The following DCTN1 variants were observed in gnomAD, a reference collection of about 807,000 sequenced individuals.
DCTN1 encodes 150 kDa dynein-associated polypeptide.
In DCTN1, 61 loss-of-function variants were observed where a neutral mutation model predicts 161.2. The observed-to-expected ratio is 0.38, with a 90% CI of 0.31 to 0.47. The LOEUF (loss-of-function observed/expected upper bound fraction) is 0.47. DCTN1 is among the 20% of genes least tolerant of loss of function. The pLI, the probability that DCTN1 is intolerant of heterozygous loss-of-function variation, is 0.99. For missense variants in DCTN1, 1,404 were observed against 1,623.7 expected (o/e 0.86, Z 2.33); for synonymous variants, 653 against 632.4 (o/e 1.03, Z -0.49).
At chr2:74,390,802 T>A in intron 1 of DCTN1, 1 of 231,920 alleles carries the variant, frequency 4.3e-6, no homozygotes, top group Admixed American at 4.5e-5. Flanking sequence ...CCATTAAAAC[T>A]CAAAGCGCAC....
rs1256164720 is a variant in DCTN1 at position 74,372,776 on chromosome 2, A to T, written c.453+152T>A. ...CCATTTTCCCCAGGAGGTGCCTGCC[A>T]GCACTGCGAACCCCCACCCTTTCCT... On this transcript the variant is annotated intron_variant, in intron 7 of 31. Coordinates refer to ENST00000628224, the MANE Select transcript of DCTN1 (RefSeq NM_004082.5). The T allele has an allele frequency of 9.8e-6, 8 of 815,240 alleles. No homozygotes were observed. The South Asian group carries it at 1.1e-4, about 11-fold the overall frequency. The allele number at this position is 815,240 out of a possible 1,614,324, so 50.5% of individuals were successfully genotyped here.
At chr2:74,383,095 T>A (rs868032458), upstream of DCTN1, among the ~76,000 whole-genome samples, 1,274 of 145,462 alleles carry the variant, frequency 8.8e-3, 19 homozygotes, top group African/African-American at 0.029. Flanking sequence ...AAAAAAAAAA[T>A]AAATAAATAA....
In DCTN1 at chr2:74,373,498, C is replaced by T. The variant is rs183010383; in HGVS notation, c.433-550G>A. On this transcript the variant is annotated intron_variant, in intron 6 of 31. Coordinates refer to ENST00000628224, the MANE Select transcript of DCTN1 (RefSeq NM_004082.5). Reference sequence around the variant, plus strand: ...GAACAATGCTGCTGTCCTCCCTCCCCCAACCCCCTTCCCCAGAACCAGATC... The same window carrying T: ...GAACAATGCTGCTGTCCTCCCTCCCTCAACCCCCTTCCCCAGAACCAGATC... The T allele has an allele frequency of 2.0e-3, 368 of 184,284 alleles. 4 individuals carry two copies. Among genetic ancestry groups the T allele is most frequent in the African/African-American group, 8.2e-3 (350 of 42,722 alleles). The allele number at this position is 184,284 out of a possible 1,614,324, so 11.4% of individuals were successfully genotyped here.
chr2:74,366,889 A>G lies in DCTN1; in HGVS notation c.2360T>C (p.Leu787Pro). Reference protein sequence around the residue: ...ATDIALLLRDLETSCSDIRQF... With the variant: ...ATDIALLLRDPETSCSDIRQF... ...GCGGATGTCACTGCATGAAGTTTCC[A>G]GATCCCGGAGCAGGAGGGCAATATC... The change falls in exon 21 of 32, where the codon CTG (leucine) becomes CCG (proline). Residue 787 changes from leucine to proline, a missense_variant. This residue lies in a region of DCTN1 where 475 missense variants were observed against 489.8 expected (regional missense o/e 0.97). Coordinates refer to ENST00000628224, the MANE Select transcript of DCTN1 (RefSeq NM_004082.5). 3 of 1,614,260 alleles carry G rather than the reference A, an allele frequency of 1.9e-6. No homozygotes were observed. Among genetic ancestry groups the G allele is most frequent in the Non-Finnish European group, 2.5e-6 (3 of 1,180,052 alleles).
In DCTN1 at chr2:74,365,980, T is replaced by C; in HGVS notation, c.2799A>G (p.Ala933=). 6.2e-7 allele frequency: 1 copy of C among 1,614,234 alleles called. No individual in the cohort carries two copies. Among genetic ancestry groups the C allele is most frequent in the African/African-American group, 1.3e-5 (1 of 75,066 alleles). Residue 933 remains alanine (A), a synonymous_variant, in exon 24 of 32, where the codon GCA becomes GCG. Transcript: ENST00000628224. The part of the protein sequence containing the change: ...PVELRAAALR[A]EITDAEGLGL... ...CCAGGCCTTCAGCATCTGTGATCTC[T>C]GCACGAAGGGCAGCAGCCCGCAGTT...
Position 74,377,421 on chromosome 2 carries a change from A to G in DCTN1, c.393+11T>C. ...TTTATTATTCCCCATTCCCACCCCCAAATCACTCACCAGTTTGCTAGTCTT... is the reference window on the plus strand; with the variant it reads ...TTTATTATTCCCCATTCCCACCCCCGAATCACTCACCAGTTTGCTAGTCTT... On this transcript the variant is annotated intron_variant, in intron 4 of 31. Transcript: ENST00000628224. The G allele has an allele frequency of 1.9e-6, 3 of 1,612,116 alleles. No homozygotes were observed. The East Asian group carries it at 6.7e-5, about 36-fold the overall frequency.
chr2:74,389,610 C>G (rs536210101), intron 1 of DCTN1, among the ~76,000 whole-genome samples: 1 of 152,164 alleles, frequency 6.6e-6, no homozygotes, highest in East Asian at 1.9e-4. Flanking sequence ...CTTATCAATT[C>G]GTCCTTAGTA....
intron 1 of DCTN1, chr2:74,390,814 G>A (rs142782807): frequency 5.7e-5 from 12 of 208,950 alleles, no homozygotes; most frequent in African/African-American, 9.1e-5. Flanking sequence ...AAAGCGCACT[G>A]ACCCATACTG....
At chr2:74,373,221 C>T (rs1674998167) in intron 6 of DCTN1, 2 of 533,478 alleles carry the variant, frequency 3.7e-6, no homozygotes, top group East Asian at 6.7e-5. Context: ...CCAGAAATCC[C>T]AGAAGTCCAT....
chr2:74,387,384 C>A (rs1675780416), intron 1 of DCTN1, among the ~76,000 whole-genome samples: 1 of 152,164 alleles, frequency 6.6e-6, no homozygotes, highest in Admixed American at 6.5e-5. Flanking sequence ...ATACTTACTG[C>A]CCCTAGACAG....
chr2:74,368,972 G>T (rs1674627943), intron 15 of DCTN1, 92 bp from the exon 16 acceptor site: 1 of 1,573,854 alleles, frequency 6.4e-7, no homozygotes, highest in South Asian at 1.1e-5. Flanking sequence ...TTGCTTCTAG[G>T]GCAAGCCCAG....
chr2:74,369,290 G>GAGCAAACAGAGAGCAAACA lies in DCTN1; in HGVS notation c.1584+9_1584+10insTGTTTGCTCTCTGTTTGCT. On this transcript the variant is annotated intron_variant, in intron 14 of 31. Transcript: ENST00000628224. This position sits in a 1 kb window ranked among gnomAD's most constrained non-coding sequence, Gnocchi z 4.9. ...TGATGGTGGGCAGAGAGCAAACAGT[G>GAGCAAACAGAGAGCAAACA]GGCATGTACCTGTAGATGGGCGGTC... 2 of 1,614,188 alleles carry GAGCAAACAGAGAGCAAACA rather than the reference G, an allele frequency of 1.2e-6. No homozygotes were observed. The highest frequency in any genetic ancestry group is 1.7e-6 in the Non-Finnish European group (2 of 1,180,022).
At chr2:74,366,089 A>G in intron 23 of DCTN1, 71 bp from the exon 24 acceptor site, 1 of 1,613,146 alleles carries the variant, frequency 6.2e-7, no homozygotes. Context: ...CTCCTTACAG[A>G]GAGATCCAGT....
At position 74,370,387 on chromosome 2, in the gene DCTN1, CAG is replaced by C. The variant is rs1276896187; in HGVS notation, c.1128-44_1128-43del. 11 of 1,613,918 alleles carry C rather than the reference CAG, an allele frequency of 6.8e-6. No individual in the cohort carries two copies. The highest frequency in any genetic ancestry group is 1.3e-5 in the African/African-American group (1 of 74,940). ...AAGGCAGAAGGAGGAAAGCACGTGT[CAG>C]AGTCTCTGGCGATGGGTGCTCTAAC... On this transcript the variant is annotated intron_variant, in intron 11 of 31. Coordinates refer to ENST00000628224, the MANE Select transcript of DCTN1 (RefSeq NM_004082.5). The surrounding 1 kb of genome is among the most constrained non-coding windows in gnomAD (Gnocchi z 4.4).
chr2:74,370,814 C>T lies in DCTN1; in HGVS notation c.855G>A (p.Glu285=). Reference sequence around the variant, plus strand: ...TATAGCGTTCCTTTGCCTCCAGCGCCTCCTTGGCTTCCTGAGGAAGAAGTG... The same window carrying T: ...TATAGCGTTCCTTTGCCTCCAGCGCTTCCTTGGCTTCCTGAGGAAGAAGTG... ...RLKEARKEAK[E]ALEAKERYME... Residue 285 remains glutamate, a synonymous_variant, in exon 10 of 32, where the codon GAG becomes GAA. Coordinates refer to ENST00000628224, the MANE Select transcript of DCTN1 (RefSeq NM_004082.5). This position sits in a 1 kb window ranked among gnomAD's most constrained non-coding sequence, Gnocchi z 4.4. 6.2e-7 allele frequency: 1 copy of T among 1,614,242 alleles called. No individual in the cohort carries two copies. Among genetic ancestry groups the T allele is most frequent in the Non-Finnish European group, 8.5e-7 (1 of 1,180,046 alleles).
In DCTN1 at chr2:74,380,094, T is replaced by C. The variant is rs1675444066; in HGVS notation, c.-57A>G. ...GCTGGCCAAAGACAGAGAGAAAAGG[T>C]AGAAACCTAGGCAGGAGGGTCAGGG... On this transcript the variant is annotated 5_prime_UTR_variant, in exon 1 of 32. Coordinates refer to ENST00000628224, the MANE Select transcript of DCTN1 (RefSeq NM_004082.5). 6.2e-7 allele frequency: 1 copy of C among 1,602,016 alleles called. No individual in the cohort carries two copies. The highest frequency in any genetic ancestry group is 8.5e-7 in the Non-Finnish European group (1 of 1,170,458).
chr2:74,375,867 C>G (rs1176010687), intron 5 of DCTN1, among the ~76,000 whole-genome samples: 1 of 152,230 alleles, frequency 6.6e-6, no homozygotes, highest in African/African-American at 2.4e-5. Flanking sequence ...TTTTCCTCTT[C>G]CCTCCCACAG....
intron 1 of DCTN1, chr2:74,390,562 T>C (rs960785104): frequency 2.4e-6 from 1 of 421,326 alleles, no homozygotes; most frequent in Non-Finnish European, 5.1e-6. Flanking sequence ...ATATTTGAGA[T>C]CTTGTAGTCC....
chr2:74,366,398 T>G, intron 22 of DCTN1, 23 bp from the exon 23 acceptor site: 1 of 1,614,098 alleles, frequency 6.2e-7, no homozygotes, highest in Non-Finnish European at 8.5e-7. Context: ...AGGGCAGAAG[T>G]AAAAGCCCCA....
Sources: gnomAD v4.1 joint callset for allele counts (sites outside exome capture counted in the v4.1 genomes callset) on GRCh38, gnomAD v4.1.1 for gene constraint, gnomAD v4.1.1 regional missense constraint, Gnocchi (gnomAD v3.1) non-coding constraint, MANE v1.5 for transcripts, NCBI Gene and HGNC (gene_info 2026-07-23, HGNC 2026-07-21) for gene names.